MACROD2: variants seen among roughly 807,000 people sequenced by gnomAD.
MACROD2 encodes the protein ADP-ribose glycohydrolase MACROD2.
MACROD2 carries 36 observed loss-of-function variants against 70.4 expected under a neutral mutation model. The ratio of observed to expected loss-of-function variants is 0.51; its 90% CI spans 0.39 to 0.68. The LOEUF is 0.68. Among genes scored for constraint, MACROD2 ranks in the 30% least tolerant of loss-of-function variants. The pLI, the probability that MACROD2 is intolerant of heterozygous loss-of-function variation, is 0.00. For missense variants in MACROD2, 496 were observed against 538.4 expected (o/e 0.92, Z 0.78); for synonymous variants, 172 against 178.8 (o/e 0.96, Z 0.30).
In MACROD2 at chr20:15,260,699, A is replaced by C. The variant is rs1035863550; in HGVS notation, c.540+30638A>C. On this transcript the variant is annotated intron_variant, in intron 6 of 17. Transcript: ENST00000684519. ...TGAAGGAACCTCCACACTGTTCTCC[A>C]TAGTGGCTGTACCAGCTTACATTCC... is the stretch of plus-strand genomic sequence containing the variant. 7.9e-5 allele frequency among the ~76,000 whole-genome samples: 12 copies of C among 152,048 alleles called. No homozygotes were observed. In the South Asian group the frequency reaches 2.5e-3, roughly 32 times the overall value.
At chr20:14,111,603 A>G (rs1451062152) in intron 3 of MACROD2, among the ~76,000 whole-genome samples, 2 of 152,102 alleles carry the variant, frequency 1.3e-5, no homozygotes, top group Non-Finnish European at 2.9e-5. Context: ...CAGGCATATG[A>G]AAAGGTGTTC....
chr20:15,857,610 G>A (rs1172483481), intron 8 of MACROD2, among the ~76,000 whole-genome samples: 1 of 152,136 alleles, frequency 6.6e-6, no homozygotes, highest in African/African-American at 2.4e-5. Context: ...CACCTTCCTG[G>A]CACAAAGTCT....
intron 8 of MACROD2, among the ~76,000 whole-genome samples, chr20:15,665,143 G>C (rs1028927788): frequency 1.3e-5 from 2 of 152,234 alleles, no homozygotes; most frequent in Admixed American, 1.3e-4. Flanking sequence ...TAGGTTTGCT[G>C]GCCTAGTGCT....
chr20:14,607,488 T>C (rs1982879574), intron 4 of MACROD2, among the ~76,000 whole-genome samples: 1 of 152,150 alleles, frequency 6.6e-6, no homozygotes. Context: ...TGTGATTTTA[T>C]GAACTCTAAT....
chr20:14,690,813 A>AGC (rs1327357251), intron 5 of MACROD2, among the ~76,000 whole-genome samples: 1 of 152,202 alleles, frequency 6.6e-6, no homozygotes, highest in African/African-American at 2.4e-5. Context: ...GTTGAGTTGT[A>AGC]GCTACAGGGA....
chr20:14,396,549 C>T (rs1194459049), intron 3 of MACROD2, among the ~76,000 whole-genome samples: 2 of 152,134 alleles, frequency 1.3e-5, no homozygotes, highest in East Asian at 1.9e-4. Flanking sequence ...ATGGTATATA[C>T]TGTGACATTC....
At chr20:15,697,627 G>C (rs1444865485) in intron 8 of MACROD2, among the ~76,000 whole-genome samples, 1 of 152,198 alleles carries the variant, frequency 6.6e-6, no homozygotes, top group South Asian at 2.1e-4. Context: ...CTGTCTTGAT[G>C]ATCTGTCTAG....
chr20:14,433,133 A>G (rs879363211), intron 3 of MACROD2, among the ~76,000 whole-genome samples: 9 of 152,182 alleles, frequency 5.9e-5, no homozygotes, highest in Admixed American at 1.3e-4. Context: ...ATTCTTAAAC[A>G]GAAGAGACAG....
intron 5 of MACROD2, among the ~76,000 whole-genome samples, chr20:14,970,597 T>C (rs1054535844): frequency 1.3e-5 from 2 of 152,158 alleles, no homozygotes; most frequent in African/African-American, 2.4e-5. Context: ...AATAATGTCT[T>C]TATTTTTAAT....
chr20:15,585,132 C>T (rs568419446), intron 8 of MACROD2, among the ~76,000 whole-genome samples: 10 of 152,122 alleles, frequency 6.6e-5, no homozygotes, highest in East Asian at 1.9e-4. Context: ...TTGATCTCTC[C>T]GTGTGCTCCA....
At chr20:15,675,350 C>G (rs748129107) in intron 8 of MACROD2, among the ~76,000 whole-genome samples, 3 of 152,132 alleles carry the variant, frequency 2.0e-5, no homozygotes, top group Non-Finnish European at 4.4e-5. Flanking sequence ...CAGTACTCAC[C>G]CTCCCTACAT....
At chr20:14,847,403 A>G (rs2073154115) in intron 5 of MACROD2, among the ~76,000 whole-genome samples, 2 of 152,000 alleles carry the variant, frequency 1.3e-5, no homozygotes, top group South Asian at 4.2e-4. Context: ...TGTGGAATTA[A>G]GGTAAAATTA....
intron 8 of MACROD2, among the ~76,000 whole-genome samples, chr20:15,617,948 A>G (rs564111395): frequency 6.6e-6 from 1 of 152,292 alleles, no homozygotes; most frequent in Non-Finnish European, 1.5e-5. Flanking sequence ...ACAAGCATGG[A>G]ACATACCACA....
chr20:14,087,926 A>G (rs1434086442), intron 3 of MACROD2, among the ~76,000 whole-genome samples: 1 of 152,118 alleles, frequency 6.6e-6, no homozygotes, highest in Non-Finnish European at 1.5e-5. Context: ...ATACACATAT[A>G]ATCTTTTATA....
Position 15,913,429 on chromosome 20 carries a change from C to A in MACROD2, c.776-19847C>A, listed in dbSNP as rs528162960. 3.9e-5 allele frequency among the ~76,000 whole-genome samples: 6 copies of A among 152,178 alleles called. No homozygotes were observed. The South Asian group carries it at 1.2e-3, about 32-fold the overall frequency. ...TTACTTTCATCTGTGTGGAAATATT[C>A]TTGGCCATCTCTCTGTTGCTATCCC... On this transcript the variant is annotated intron_variant, in intron 10 of 17. Transcript: ENST00000684519.
chr20:14,019,147 G>A (rs2053034381), intron 2 of MACROD2, among the ~76,000 whole-genome samples: 1 of 152,204 alleles, frequency 6.6e-6, no homozygotes, highest in African/African-American at 2.4e-5. Flanking sequence ...CTGCTGCCCA[G>A]ATAGAGCCTA....
intron 3 of MACROD2, among the ~76,000 whole-genome samples, chr20:14,235,546 C>A (rs1187988850): frequency 6.6e-6 from 1 of 152,062 alleles, no homozygotes. Flanking sequence ...CCTTAAAATG[C>A]CTTGAAAAAT....
At chr20:15,803,784 A>G (rs1281094783) in intron 8 of MACROD2, among the ~76,000 whole-genome samples, 1 of 152,196 alleles carries the variant, frequency 6.6e-6, no homozygotes, top group African/African-American at 2.4e-5. Context: ...CACACTCATC[A>G]AAGTCCATTA....
intron 5 of MACROD2, among the ~76,000 whole-genome samples, chr20:15,079,545 C>T (rs945577586): frequency 3.6e-4 from 55 of 152,244 alleles, no homozygotes; most frequent in Non-Finnish European, 6.9e-4. Context: ...CCACACACAT[C>T]TCCACACTTG....
Sources: allele counts gnomAD v4.1 joint callset (sites outside exome capture counted in the v4.1 genomes callset), GRCh38; gene constraint gnomAD v4.1.1; transcripts MANE v1.5; gene names NCBI Gene and HGNC (gene_info 2026-07-23, HGNC 2026-07-21).